KCNH1: variants seen among roughly 807,000 people sequenced by gnomAD.
The protein encoded by KCNH1 is voltage-gated delayed rectifier potassium channel KCNH1.
KCNH1 carries 27 observed loss-of-function variants against 69.2 expected under a neutral mutation model. The ratio of observed to expected loss-of-function variants is 0.39; its 90% CI spans 0.29 to 0.54. The LOEUF (loss-of-function observed/expected upper bound fraction) is 0.54, where lower values mean the gene tolerates loss of function less well. Ranked by LOEUF, KCNH1 falls within the 20% of genes least tolerant of loss-of-function variation. The pLI is 0.68. For missense variants in KCNH1, 798 were observed against 1,261.6 expected, an observed-to-expected ratio of 0.63 and a Z score of 5.57; for synonymous variants, 456 against 487.7, an observed-to-expected ratio of 0.93 and a Z score of 0.86.
intron 7 of KCNH1, among the ~76,000 whole-genome samples, chr1:210,842,875 T>A (rs769788264): frequency 6.6e-6 from 1 of 152,146 alleles, no homozygotes; most frequent in Non-Finnish European, 1.5e-5. Flanking sequence ...CTCTGTCCCA[T>A]CTTGTGAATA....
chr1:211,083,989 GCT>G (rs1197619525), intron 4 of KCNH1, among the ~76,000 whole-genome samples: 1 of 151,800 alleles, frequency 6.6e-6, no homozygotes, highest in Non-Finnish European at 1.5e-5. Context: ...TAGCAAATCA[GCT>G]CTTTTTTATC....
At chr1:210,892,065 G>A (rs996123719) in intron 7 of KCNH1, among the ~76,000 whole-genome samples, 4 of 152,076 alleles carry the variant, frequency 2.6e-5, no homozygotes, top group African/African-American at 4.8e-5. Flanking sequence ...CCTGTCAGGC[G>A]GTCAGGGGGC....
At chr1:211,067,143 A>C (rs546780733) in intron 5 of KCNH1, among the ~76,000 whole-genome samples, 16 of 152,202 alleles carry the variant, frequency 1.1e-4, no homozygotes, top group African/African-American at 3.9e-4. Context: ...TCACTCCCGC[A>C]TGGAAGCCAC....
At chr1:210,945,880 C>T (rs905559259) in intron 6 of KCNH1, among the ~76,000 whole-genome samples, 5 of 152,160 alleles carry the variant, frequency 3.3e-5, no homozygotes. Context: ...AACTCCCAGA[C>T]CCCCTTCCCT....
chr1:210,930,781 A>G (rs1687666529), intron 6 of KCNH1, among the ~76,000 whole-genome samples: 2 of 152,248 alleles, frequency 1.3e-5, no homozygotes, highest in African/African-American at 4.8e-5. Context: ...TTCACAATCT[A>G]TACATCTGAC....
intron 10 of KCNH1, among the ~76,000 whole-genome samples, chr1:210,758,118 C>T (rs1044475201): frequency 6.6e-6 from 1 of 152,218 alleles, no homozygotes; most frequent in Admixed American, 6.5e-5. Flanking sequence ...GCCCATGCTC[C>T]TCACCTGAGA....
chr1:210,781,993 G>A (rs1265925422), intron 9 of KCNH1, among the ~76,000 whole-genome samples: 1 of 152,088 alleles, frequency 6.6e-6, no homozygotes, highest in Non-Finnish European at 1.5e-5. Flanking sequence ...TCCAGGCACT[G>A]CCCCAGACAC....
intron 1 of KCNH1, among the ~76,000 whole-genome samples, chr1:211,110,459 T>C (rs147628621): frequency 6.6e-6 from 1 of 152,214 alleles, no homozygotes; most frequent in Non-Finnish European, 1.5e-5. Flanking sequence ...AATAAAGGTA[T>C]GGCAGGAAAG....
intron 4 of KCNH1, among the ~76,000 whole-genome samples, chr1:211,086,642 G>T (rs1287974373): frequency 6.6e-6 from 1 of 152,148 alleles, no homozygotes; most frequent in East Asian, 1.9e-4. Context: ...ATGGAGAAAT[G>T]GCTTTTCCCC....
At chr1:210,985,589 G>A (rs1688814729) in intron 6 of KCNH1, among the ~76,000 whole-genome samples, 1 of 152,088 alleles carries the variant, frequency 6.6e-6, no homozygotes, top group Non-Finnish European at 1.5e-5. Context: ...GTAGTTGAGT[G>A]GTTTTGAGTG....
At chr1:210,940,940 G>C (rs1687865307) in intron 6 of KCNH1, among the ~76,000 whole-genome samples, 1 of 152,220 alleles carries the variant, frequency 6.6e-6, no homozygotes, top group Non-Finnish European at 1.5e-5. Context: ...AGGCTAATTT[G>C]ATTTAAATTC....
chr1:210,710,782 G>A (rs898927516), intron 10 of KCNH1, among the ~76,000 whole-genome samples: 1 of 129,552 alleles, frequency 7.7e-6, no homozygotes, highest in Admixed American at 7.4e-5. Context: ...CACAGACTCT[G>A]TGCTCAAATA....
rs980989180 is a variant in KCNH1, at chr1:210,919,064, T to C, written c.1462+576A>G. ...GCATGACGGCTATAGTTAATAATACTGTAATGCCTACAGGAAATTTGCTGA... is the reference window on the plus strand; with the variant it reads ...GCATGACGGCTATAGTTAATAATACCGTAATGCCTACAGGAAATTTGCTGA... On this transcript the variant is annotated intron_variant, in intron 7 of 10. Transcript: ENST00000271751. This position sits in a 1 kb window ranked among gnomAD's most constrained non-coding sequence, Gnocchi z 4.2. 1 of 153,324 alleles carries C rather than the reference T, an allele frequency of 6.5e-6. No individual in the cohort carries two copies. The highest frequency in any genetic ancestry group is 1.5e-5 in the Non-Finnish European group (1 of 68,822). The allele number at this position is 153,324 out of a possible 1,614,324, so 9.5% of individuals were successfully genotyped here. A position where few individuals can be genotyped will look rare whatever the true frequency, so the allele number is the denominator to read the frequency against.
chr1:211,040,788 A>C (rs933507061), intron 5 of KCNH1, among the ~76,000 whole-genome samples: 2 of 152,166 alleles, frequency 1.3e-5, no homozygotes, highest in Admixed American at 6.5e-5. Flanking sequence ...TCACTGAAAA[A>C]ACGGAACCAG....
intron 10 of KCNH1, among the ~76,000 whole-genome samples, chr1:210,768,749 T>C (rs1036442696): frequency 6.6e-6 from 1 of 152,142 alleles, no homozygotes. Context: ...TAGCCAGACA[T>C]AGCCTGACTA....
chr1:210,688,473 C>T (rs1194075055), intron 10 of KCNH1, among the ~76,000 whole-genome samples: 2 of 152,146 alleles, frequency 1.3e-5, no homozygotes, highest in African/African-American at 2.4e-5. Context: ...GCATATTGCC[C>T]TCCCTCCAAA....
chr1:210,859,698 T>G, intron 7 of KCNH1: 2 of 1,240,018 alleles, frequency 1.6e-6, no homozygotes, highest in South Asian at 2.4e-5. Flanking sequence ...GGATAAAAGC[T>G]GGCAAAATCT....
intron 7 of KCNH1, chr1:210,859,085 A>G (rs1483803165): frequency 6.2e-6 from 5 of 806,160 alleles, no homozygotes; most frequent in Non-Finnish European, 1.1e-5. Flanking sequence ...ATTAGTTTAG[A>G]ATAGATAACA....
chr1:210,981,277 G>A (rs567816887), intron 6 of KCNH1, among the ~76,000 whole-genome samples: 144 of 146,586 alleles, frequency 9.8e-4, no homozygotes, highest in African/African-American at 2.9e-3. Context: ...ATGGCCAAAA[G>A]GAAAACTCAG....
Sources: allele counts gnomAD v4.1 joint callset (sites outside exome capture counted in the v4.1 genomes callset), GRCh38; gene constraint gnomAD v4.1.1; non-coding constraint Gnocchi (gnomAD v3.1); transcripts MANE v1.5; gene names NCBI Gene and HGNC (gene_info 2026-07-23, HGNC 2026-07-21).